The following NOL4 variants were observed in gnomAD, a reference collection of about 807,000 sequenced individuals.
NOL4 encodes cancer/testis antigen 125.
Under a neutral mutation model 75.9 loss-of-function variants are expected in NOL4, and 17 were observed. The observed-to-expected ratio is 0.22, with a 90% CI of 0.15 to 0.34. NOL4 has a LOEUF of 0.34. Among genes scored for constraint, NOL4 ranks in the 10% least tolerant of loss-of-function variants. The pLI is 1.00. For synonymous variants in NOL4, 292 were observed against 289.9 expected (o/e 1.01, Z -0.07); for missense variants, 614 against 793.5 (o/e 0.77, Z 2.72).
At chr18:34,209,194 C>CAAAAAAA (rs777403436) in intron 1 of NOL4, among the ~76,000 whole-genome samples, 34 of 55,936 alleles carry the variant, frequency 6.1e-4, no homozygotes, top group Middle Eastern at 0.011. Context: ...ACTCTGTCTC[C>CAAAAAAA]AAAAAAAAAA....
At chr18:34,138,874 T>G (rs1267336942) in intron 1 of NOL4, among the ~76,000 whole-genome samples, 1 of 152,060 alleles carries the variant, frequency 6.6e-6, no homozygotes, top group African/African-American at 2.4e-5. Flanking sequence ...TTATTGAGAG[T>G]TTTTAGCATG....
chr18:34,109,966 A>G (rs1341999623), intron 2 of NOL4, among the ~76,000 whole-genome samples: 1 of 151,746 alleles, frequency 6.6e-6, no homozygotes, highest in Non-Finnish European at 1.5e-5. Context: ...AAAGCAGGAC[A>G]TATGCACAGA....
chr18:34,055,377 T>C (rs888636979), intron 5 of NOL4, among the ~76,000 whole-genome samples: 1 of 152,204 alleles, frequency 6.6e-6, no homozygotes, highest in Non-Finnish European at 1.5e-5. Flanking sequence ...TTGTTGGCTG[T>C]AGTATTCTTG....
At chr18:33,939,892 G>A (rs973245364) in intron 9 of NOL4, among the ~76,000 whole-genome samples, 2 of 151,988 alleles carry the variant, frequency 1.3e-5, no homozygotes, top group African/African-American at 4.8e-5. Context: ...CATTCAGAAG[G>A]ATATGAACAG....
rs150987678 is a variant in NOL4 at position 33,989,120 on chromosome 18, C to T, written c.1056+30198G>A. 1.6e-4 allele frequency among the ~76,000 whole-genome samples: 21 copies of T among 128,930 alleles called. 1 individual carries two copies. In the South Asian group the frequency reaches 1.8e-3, roughly 11 times the overall value. 84.6% of individuals were successfully genotyped at this position (128,930 alleles called of 152,430 possible). ...GGAGGATCAACTGAGCCCAGGAGGTCGAGGCTGCAGTGAGCCATGATCACT... is the reference window on the plus strand; with the variant it reads ...GGAGGATCAACTGAGCCCAGGAGGTTGAGGCTGCAGTGAGCCATGATCACT... On this transcript the variant is annotated intron_variant, in intron 6 of 10. Coordinates refer to ENST00000261592, the MANE Select transcript of NOL4 (RefSeq NM_003787.5).
At chr18:34,146,284 G>T (rs1179191825) in intron 1 of NOL4, among the ~76,000 whole-genome samples, 3 of 151,860 alleles carry the variant, frequency 2.0e-5, no homozygotes, top group Non-Finnish European at 4.4e-5. Flanking sequence ...TGGTGTTTTA[G>T]TCATGAAGTC....
intron 6 of NOL4, among the ~76,000 whole-genome samples, chr18:33,984,848 C>A (rs142926140): frequency 1.6e-3 from 248 of 152,138 alleles, no homozygotes; most frequent in African/African-American, 5.6e-3. Flanking sequence ...AACACAAAAC[C>A]TAGTGAATTC....
At position 34,223,290 on chromosome 18, in the gene NOL4, C is replaced by G; in HGVS notation, c.-37G>C. ...TCGGCCGCTGGCCGGATGCTCCCAG[C>G]GCACTTCGCACCTGTTCACCCTAGG... is the stretch of plus-strand genomic sequence containing the variant. On this transcript the variant is annotated 5_prime_UTR_variant, in exon 1 of 11. Transcript: ENST00000261592. 4.4e-6 allele frequency: 7 copies of G among 1,604,548 alleles called. No individual in the cohort carries two copies. Among genetic ancestry groups the G allele is most frequent in the Non-Finnish European group, 5.9e-6 (7 of 1,177,174 alleles).
chr18:33,927,472 G>A (rs1437552262), intron 9 of NOL4, among the ~76,000 whole-genome samples: 2 of 152,062 alleles, frequency 1.3e-5, no homozygotes, highest in African/African-American at 2.4e-5. Context: ...GTGTAAATAG[G>A]AACAAGTACA....
Position 33,975,599 on chromosome 18 carries a change from C to T in NOL4, c.1057-17181G>A, listed in dbSNP as rs556462892. ...CCAGACTTGGCCAACATAGTGAAAC[C>T]CTGTCTCTACTAAAAATACAAAAAA... On this transcript the variant is annotated intron_variant, in intron 6 of 10. Coordinates refer to ENST00000261592, the MANE Select transcript of NOL4 (RefSeq NM_003787.5). 1.4e-3 allele frequency among the ~76,000 whole-genome samples: 206 copies of T among 152,094 alleles called. 1 individual carries two copies. Among genetic ancestry groups the T allele is most frequent in the African/African-American group, 4.8e-3 (200 of 41,498 alleles).
intron 6 of NOL4, among the ~76,000 whole-genome samples, chr18:33,968,885 A>G (rs941435050): frequency 6.6e-6 from 1 of 152,054 alleles, no homozygotes; most frequent in Non-Finnish European, 1.5e-5. Flanking sequence ...TCATACGACA[A>G]CAGTTATGTA....
chr18:33,998,902 C>G (rs1182097711), intron 6 of NOL4, among the ~76,000 whole-genome samples: 1 of 152,056 alleles, frequency 6.6e-6, no homozygotes, highest in Non-Finnish European at 1.5e-5. Flanking sequence ...TTACATTTTT[C>G]ATCACCATAT....
chr18:34,098,911 A>AT (rs2078913533), intron 4 of NOL4, among the ~76,000 whole-genome samples: 1 of 152,166 alleles, frequency 6.6e-6, no homozygotes, highest in Non-Finnish European at 1.5e-5. Context: ...GGTTCTAAGT[A>AT]GTAAATTATT....
chr18:33,976,643 A>C (rs896267499), intron 6 of NOL4, among the ~76,000 whole-genome samples: 1 of 152,172 alleles, frequency 6.6e-6, no homozygotes, highest in Non-Finnish European at 1.5e-5. Flanking sequence ...GATGAAAAAA[A>C]GTTATGCATA....
intron 1 of NOL4, among the ~76,000 whole-genome samples, chr18:34,205,624 T>C (rs2036070529): frequency 6.6e-6 from 1 of 152,090 alleles, no homozygotes; most frequent in Admixed American, 6.6e-5. Flanking sequence ...GTCCTAATCT[T>C]GCATATTCCC....
At chr18:34,188,252 A>C (rs1336896970) in intron 1 of NOL4, among the ~76,000 whole-genome samples, 1 of 152,218 alleles carries the variant, frequency 6.6e-6, no homozygotes, top group Non-Finnish European at 1.5e-5. Context: ...GTAAAAAAAA[A>C]TGAAAGAATT....
chr18:33,857,522 A>G (rs2062891900), intron 10 of NOL4, among the ~76,000 whole-genome samples: 1 of 151,998 alleles, frequency 6.6e-6, no homozygotes, highest in South Asian at 2.1e-4. Flanking sequence ...TTCCAAAACC[A>G]TTGAGTGTTT....
chr18:33,893,521 C>G (rs2065221440), intron 9 of NOL4, among the ~76,000 whole-genome samples: 1 of 152,114 alleles, frequency 6.6e-6, no homozygotes, highest in African/African-American at 2.4e-5. Context: ...TTCGATTCAA[C>G]TTTTTGACAA....
intron 5 of NOL4, among the ~76,000 whole-genome samples, chr18:34,054,302 G>A (rs188464836): frequency 7.9e-5 from 12 of 151,872 alleles, no homozygotes; most frequent in Admixed American, 6.6e-4. Flanking sequence ...GTGGGGTATT[G>A]AAGTCTCCTA....
Sources: gnomAD v4.1 joint callset for allele counts (sites outside exome capture counted in the v4.1 genomes callset) on GRCh38, gnomAD v4.1.1 for gene constraint, MANE v1.5 for transcripts, NCBI Gene and HGNC (gene_info 2026-07-23, HGNC 2026-07-21) for gene names.